XKR9: variants seen among roughly 807,000 people sequenced by gnomAD.
XKR9 encodes XK-related protein 9.
A neutral mutation model predicts 32.0 loss-of-function variants in XKR9; 32 were observed. That is an observed-to-expected ratio of 1.00 (90% CI 0.76 to 1.34). XKR9 has a LOEUF of 1.34. XKR9 is among the 40% of genes most tolerant of loss of function. XKR9 has a pLI of 0.00. For missense variants in XKR9, 546 were observed against 429.7 expected (o/e 1.27, Z -2.39); for synonymous variants, 168 against 143.4 (o/e 1.17, Z -1.22).
At chr8:70,889,934 C>T in the XKR9 span, among the ~76,000 whole-genome samples, 1 of 151,858 alleles carries the variant, frequency 6.6e-6, no homozygotes. Context: ...GGATATATAC[C>T]CAGTAATGGG....
intron 2 of XKR9, among the ~76,000 whole-genome samples, chr8:70,776,796 A>G (rs13252584): frequency 0.4 from 60,360 of 150,642 alleles, 13,575 homozygotes; most frequent in Non-Finnish European, 0.52. Context: ...AAATTAAGAA[A>G]TCTTTATAAT....
At chr8:70,982,255 A>G in the XKR9 span, among the ~76,000 whole-genome samples, 2 of 152,180 alleles carry the variant, frequency 1.3e-5, no homozygotes, top group African/African-American at 2.4e-5. Flanking sequence ...TTCCCAAGAC[A>G]TTATGACCTT....
chr8:70,778,931 A>G (rs928720786), intron 2 of XKR9, among the ~76,000 whole-genome samples: 1 of 152,064 alleles, frequency 6.6e-6, no homozygotes, highest in Non-Finnish European at 1.5e-5. Flanking sequence ...CTAATGGAAT[A>G]CCCTTTATTT....
the XKR9 span, among the ~76,000 whole-genome samples, chr8:71,014,713 T>C: frequency 6.6e-6 from 1 of 152,178 alleles, no homozygotes; most frequent in Non-Finnish European, 1.5e-5. Flanking sequence ...CATCATTCAA[T>C]CCAGTAAAAT....
At chr8:70,756,636 GTTTTC>G in intron 2 of XKR9, among the ~76,000 whole-genome samples, 1 of 152,214 alleles carries the variant, frequency 6.6e-6, no homozygotes, top group Middle Eastern at 3.4e-3. Flanking sequence ...GAATAGAATT[GTTTTC>G]TTAATTTCAT....
chr8:70,852,124 G>T, the XKR9 span, among the ~76,000 whole-genome samples: 2 of 152,320 alleles, frequency 1.3e-5, no homozygotes, highest in East Asian at 1.9e-4. Context: ...GTGGGTGAAA[G>T]ATATGAACAG....
the XKR9 span, among the ~76,000 whole-genome samples, chr8:70,811,616 C>G: frequency 6.6e-6 from 1 of 152,236 alleles, no homozygotes; most frequent in African/African-American, 2.4e-5. Flanking sequence ...GATATTACCA[C>G]CGATCCCACA....
chr8:70,909,600 G>A, the XKR9 span, among the ~76,000 whole-genome samples: 2 of 150,184 alleles, frequency 1.3e-5, no homozygotes, highest in African/African-American at 2.4e-5. Context: ...CCGAGATCTC[G>A]CCACTGCACT....
chr8:70,903,714 C>A, the XKR9 span, among the ~76,000 whole-genome samples: 1 of 152,108 alleles, frequency 6.6e-6, no homozygotes, highest in Non-Finnish European at 1.5e-5. Flanking sequence ...TTCTCTAGTT[C>A]TTTTAATTGT....
At chr8:71,034,481 A>G in the XKR9 span, among the ~76,000 whole-genome samples, 392 of 152,348 alleles carry the variant, frequency 2.6e-3, 2 homozygotes, top group African/African-American at 9.0e-3. Flanking sequence ...GTGTGAGTAC[A>G]GACTAATACA....
At chr8:71,026,951 T>C in the XKR9 span, among the ~76,000 whole-genome samples, 2 of 152,234 alleles carry the variant, frequency 1.3e-5, no homozygotes, top group Non-Finnish European at 2.9e-5. Flanking sequence ...ATATTGAAAA[T>C]GTTTTTAAGC....
the XKR9 span, among the ~76,000 whole-genome samples, chr8:70,810,843 A>T: frequency 2.0e-5 from 3 of 152,206 alleles, no homozygotes; most frequent in African/African-American, 7.2e-5. Context: ...TAATAATGGG[A>T]GACTTTAACA....
In XKR9 at chr8:70,671,564, A is replaced by G. The variant is rs1298372572; in HGVS notation, c.-361+2026A>G. 2.0e-4 allele frequency among the ~76,000 whole-genome samples: 17 copies of G among 83,590 alleles called. 4 individuals carry two copies. The highest frequency in any genetic ancestry group is 4.0e-4 in the Non-Finnish European group (13 of 32,364). The allele number at this position is 83,590 out of a possible 152,430, so 54.8% of individuals were successfully genotyped here. On this transcript the variant is annotated intron_variant, in intron 1 of 4. Transcript: ENST00000408926. ...TGATCTCATTGTTCAATTCCCACCTATGAGTGAGAATATGCGGTGTTTGGT... is the reference window on the plus strand; with the variant it reads ...TGATCTCATTGTTCAATTCCCACCTGTGAGTGAGAATATGCGGTGTTTGGT...
At chr8:70,759,690 G>A (rs1391954431) in intron 2 of XKR9, among the ~76,000 whole-genome samples, 1 of 152,106 alleles carries the variant, frequency 6.6e-6, no homozygotes, top group South Asian at 2.1e-4. Context: ...TTTAATTACC[G>A]TATTGGTATT....
At chr8:70,848,426 C>A in the XKR9 span, among the ~76,000 whole-genome samples, 1 of 151,584 alleles carries the variant, frequency 6.6e-6, no homozygotes, top group African/African-American at 2.4e-5. Flanking sequence ...TAACATAATA[C>A]TGAAAGTCCT....
chr8:70,888,950 C>G, the XKR9 span, among the ~76,000 whole-genome samples: 1 of 151,698 alleles, frequency 6.6e-6, no homozygotes, highest in African/African-American at 2.4e-5. Context: ...TTTTGTAGTT[C>G]CATTTAAATT....
At chr8:70,834,452 C>G in the XKR9 span, among the ~76,000 whole-genome samples, 2 of 152,092 alleles carry the variant, frequency 1.3e-5, no homozygotes, top group Non-Finnish European at 2.9e-5. Context: ...TGTGCTACTG[C>G]TAATCTATGA....
the XKR9 span, among the ~76,000 whole-genome samples, chr8:71,001,454 C>A: frequency 6.6e-6 from 1 of 152,066 alleles, no homozygotes; most frequent in Admixed American, 6.6e-5. Context: ...GTAGACACAG[C>A]ATTTTGCTAT....
chr8:71,041,524 C>T, the XKR9 span, among the ~76,000 whole-genome samples: 8 of 152,156 alleles, frequency 5.3e-5, no homozygotes, highest in South Asian at 4.2e-4. Context: ...ATAAAATGAT[C>T]GAACTCATGC....
Sources: gnomAD v4.1 joint callset for allele counts (sites outside exome capture counted in the v4.1 genomes callset) on GRCh38, gnomAD v4.1.1 for gene constraint, MANE v1.5 for transcripts, NCBI Gene and HGNC (gene_info 2026-07-23, HGNC 2026-07-21) for gene names.